The following TOP6BL variants were observed in gnomAD, a reference collection of about 807,000 sequenced individuals.
TOP6BL encodes type 2 DNA topoisomerase 6 subunit B-like.
chr11:66,805,651 C>T, the TOP6BL span, among the ~76,000 whole-genome samples: 1 of 152,094 alleles, frequency 6.6e-6, no homozygotes, highest in Non-Finnish European at 1.5e-5. Flanking sequence ...GACAGAGTTT[C>T]ACCATGTTGC....
At chr11:66,788,984 T>G in the TOP6BL span, among the ~76,000 whole-genome samples, 1 of 152,260 alleles carries the variant, frequency 6.6e-6, no homozygotes, top group Admixed American at 6.5e-5. Context: ...TGCCCTACCC[T>G]TGTGACCTCA....
At chr11:66,748,040 C>T in the TOP6BL span, among the ~76,000 whole-genome samples, 1 of 152,124 alleles carries the variant, frequency 6.6e-6, no homozygotes, top group East Asian at 1.9e-4. Flanking sequence ...TTATTTGGGG[C>T]AGGAAAAAAG....
At chr11:66,760,463 A>AG in the TOP6BL span, among the ~76,000 whole-genome samples, 1 of 141,158 alleles carries the variant, frequency 7.1e-6, no homozygotes, top group East Asian at 2.1e-4. Flanking sequence ...AAAAAAAAAA[A>AG]GAAAACATAC....
the TOP6BL span, among the ~76,000 whole-genome samples, chr11:66,751,314 C>A: frequency 6.6e-6 from 1 of 152,094 alleles, no homozygotes; most frequent in Non-Finnish European, 1.5e-5. Flanking sequence ...CCTTTCTCAG[C>A]CTCCCAAGTA....
the TOP6BL span, among the ~76,000 whole-genome samples, chr11:66,808,647 A>G: frequency 6.6e-6 from 1 of 152,378 alleles, no homozygotes; most frequent in South Asian, 2.1e-4. Context: ...CAAAACAGAA[A>G]TTGTAGAATC....
chr11:66,801,233 CA>C, the TOP6BL span: 38 of 941,070 alleles, frequency 4.0e-5, no homozygotes, highest in Non-Finnish European at 5.6e-5. Context: ...ATAAGAAAAG[CA>C]GAAGTAAAAC....
At chr11:66,809,455 CAAG>C in the TOP6BL span, among the ~76,000 whole-genome samples, 2 of 152,064 alleles carry the variant, frequency 1.3e-5, no homozygotes. Flanking sequence ...ATCCACGTAA[CAAG>C]AAGAATTAAT....
chr11:66,842,889 C>A, the TOP6BL span: 2 of 1,573,268 alleles, frequency 1.3e-6, no homozygotes, highest in East Asian at 2.4e-5. Flanking sequence ...TCAAGAGGGG[C>A]AGCCCCCGCA....
the TOP6BL span, among the ~76,000 whole-genome samples, chr11:66,827,690 C>T: frequency 6.6e-6 from 1 of 151,924 alleles, no homozygotes; most frequent in Non-Finnish European, 1.5e-5. Context: ...ACAGGCCAGG[C>T]GCAGTGGCTT....
chr11:66,765,744 A>G, the TOP6BL span, among the ~76,000 whole-genome samples: 1 of 152,256 alleles, frequency 6.6e-6, no homozygotes, highest in East Asian at 1.9e-4. Context: ...TCGAACTCCT[A>G]ACCTCAGGTG....
the TOP6BL span, among the ~76,000 whole-genome samples, chr11:66,772,150 A>G: frequency 7.2e-5 from 11 of 152,214 alleles, no homozygotes; most frequent in Admixed American, 7.2e-4. Context: ...TAAGTGGAAG[A>G]GTTAACTGTA....
the TOP6BL span, among the ~76,000 whole-genome samples, chr11:66,808,012 A>G: frequency 1.3e-5 from 2 of 152,264 alleles, no homozygotes; most frequent in African/African-American, 4.8e-5. Flanking sequence ...GATGTTTTAT[A>G]GAAGCAAACA....
chr11:66,837,880 G>GC, the TOP6BL span, among the ~76,000 whole-genome samples: 1 of 152,130 alleles, frequency 6.6e-6, no homozygotes, highest in Non-Finnish European at 1.5e-5. Flanking sequence ...AACCAGTGTG[G>GC]CAGGGCTCTA....
chr11:66,762,244 G>T, the TOP6BL span: 5 of 558,914 alleles, frequency 8.9e-6, no homozygotes, highest in South Asian at 5.6e-5. Flanking sequence ...GGGCCCGGCC[G>T]CAGAACACGC....
the TOP6BL span, chr11:66,756,594 T>C: frequency 1.0e-6 from 1 of 964,398 alleles, no homozygotes; most frequent in East Asian, 1.1e-4. Flanking sequence ...ACGATAAAAT[T>C]CTATCCTCCA....
the TOP6BL span, among the ~76,000 whole-genome samples, chr11:66,808,469 A>C: frequency 6.6e-6 from 1 of 152,026 alleles, no homozygotes; most frequent in East Asian, 1.9e-4. Flanking sequence ...TCAGGACTGC[A>C]GTGAGCCATG....
chr11:66,804,296 A>G, the TOP6BL span: 9 of 963,152 alleles, frequency 9.3e-6, no homozygotes, highest in Non-Finnish European at 1.2e-5. Flanking sequence ...ACAAATATAT[A>G]TGATTTGTAT....
At chr11:66,776,181 C>T in the TOP6BL span, among the ~76,000 whole-genome samples, 2 of 151,962 alleles carry the variant, frequency 1.3e-5, no homozygotes, top group Non-Finnish European at 2.9e-5. Flanking sequence ...ACCTCAGCCT[C>T]CTGAGTAGCT....
the TOP6BL span, chr11:66,838,482 A>C: frequency 1.3e-6 from 2 of 1,569,072 alleles, no homozygotes; most frequent in Non-Finnish European, 1.8e-6. Flanking sequence ...CCTGGACTGC[A>C]GCAGAGGAAG....
Sources: gnomAD v4.1 joint callset for allele counts (sites outside exome capture counted in the v4.1 genomes callset) on GRCh38, gnomAD v4.1.1 for gene constraint, MANE v1.5 for transcripts, NCBI Gene and HGNC (gene_info 2026-07-23, HGNC 2026-07-21) for gene names.